ALOXE3: variants seen among roughly 807,000 people sequenced by gnomAD.
ALOXE3 encodes the protein arachidonate epidermal lipoxygenase 3, also known as hydroperoxide isomerase ALOXE3.
A neutral mutation model predicts 87.5 loss-of-function variants in ALOXE3; 78 were observed. The observed-to-expected ratio is 0.89, with a 90% confidence interval of 0.74 to 1.08. ALOXE3 has a LOEUF of 1.08. ALOXE3 is among the 50% of genes least tolerant of loss of function. The pLI is 0.00. For missense variants in ALOXE3, 946 were observed against 912.4 expected (o/e 1.04, Z -0.47); for synonymous variants, 363 against 370.8 (o/e 0.98, Z 0.24).
At chr17:8,109,784 G>T in intron 11 of ALOXE3, 132 bp downstream of exon 11, 1 of 909,282 alleles carries the variant, frequency 1.1e-6, no homozygotes, top group Non-Finnish European at 1.7e-6. Flanking sequence ...GGAAGAGGCA[G>T]TGATTGTACA....
chr17:8,116,873 G>A lies in ALOXE3; in HGVS notation c.255C>T (p.Ser85=). Residue 85 remains serine (S), a synonymous_variant, in exon 3 of 16, where the codon AGC becomes AGT. Transcript: ENST00000448843. ...AFFRKDSWYC[S]RICVTEPDGS... is the part of the protein sequence containing the mutation. ...CATCCGGTTCGGTGACACAGATGCG[G>A]CTACAGTACCAAGAGTCCTTGCGGA... 4 of 1,614,252 alleles carry A rather than the reference G, an allele frequency of 2.5e-6. No homozygotes were observed. Among genetic ancestry groups the A allele is most frequent in the Non-Finnish European group, 3.4e-6 (4 of 1,180,048 alleles).
At chr17:8,110,323 G>T in intron 9 of ALOXE3, 28 bp from the exon 10 acceptor site, 1 of 1,612,052 alleles carries the variant, frequency 6.2e-7, no homozygotes, top group African/African-American at 1.3e-5. Flanking sequence ...GAGGGATGAT[G>T]GGGCTCCGGG....
intron 15 of ALOXE3, among the ~76,000 whole-genome samples, chr17:8,097,243 C>T (rs1978601043): frequency 6.6e-6 from 1 of 152,106 alleles, no homozygotes; most frequent in African/African-American, 2.4e-5. Context: ...GATCCTCCCA[C>T]CTTGGCCTCC....
chr17:8,110,925 A>G (rs1980019735), intron 8 of ALOXE3, among the ~76,000 whole-genome samples: 2 of 152,176 alleles, frequency 1.3e-5, no homozygotes, highest in African/African-American at 4.8e-5. Flanking sequence ...TGAGGGCTTG[A>G]CTGCCCCAAA....
rs1247080874 is a variant in ALOXE3, at chr17:8,116,849, A to C, written c.279T>G (p.Asp93Glu). 1.2e-6 allele frequency: 2 copies of C among 1,614,132 alleles called. No homozygotes were observed. The highest frequency in any genetic ancestry group is 2.7e-5 in the African/African-American group (2 of 74,954). Residue 93 changes from aspartate to glutamate, a missense_variant, in exon 3 of 16, where the codon GAT (aspartate) becomes GAG (glutamate). By Grantham distance (45) the Asp-to-Glu change is conservative (BLOSUM62 2). Transcript: ENST00000448843. ...YCSRICVTEP[D>E]GSVSHFPCYQ... is the part of the protein sequence containing the mutation. ...AGCAGGGGAAGTGGGATACACTACCATCCGGTTCGGTGACACAGATGCGGC... is the reference window on the plus strand; with the variant it reads ...AGCAGGGGAAGTGGGATACACTACCCTCCGGTTCGGTGACACAGATGCGGC...
Position 8,112,115 on chromosome 17 carries a change from C to T in ALOXE3, c.762G>A (p.Trp254Ter), listed in dbSNP as rs745600301. Reference protein sequence around the residue: ...KKLDDMQNIFWCHKTFTTKYV... With the variant: ...KKLDDMQNIF ...CACTTGTCGTGAAGGTCTTATGGCACCAGAAGATGTTCTGCATGTCATCCA... is the reference window on the plus strand; with the variant it reads ...CACTTGTCGTGAAGGTCTTATGGCATCAGAAGATGTTCTGCATGTCATCCA... The change falls in exon 7 of 16, where the codon TGG becomes TGA. Residue 254 changes from tryptophan (W) to a stop codon, truncating the protein, a stop_gained. Transcript: ENST00000448843. LOFTEE classifies it high-confidence loss of function. The T allele has an allele frequency of 1.2e-6, 2 of 1,614,104 alleles. No homozygotes were observed. Among genetic ancestry groups the T allele is most frequent in the Non-Finnish European group, 1.7e-6 (2 of 1,179,990 alleles).
At chr17:8,101,192 A>G (rs1016865356) in intron 15 of ALOXE3, among the ~76,000 whole-genome samples, 2 of 151,706 alleles carry the variant, frequency 1.3e-5, no homozygotes, top group African/African-American at 2.4e-5. Flanking sequence ...ATGCCCACCT[A>G]ATTTTTGTAT....
In ALOXE3 at chr17:8,112,181, C is replaced by T. The variant is rs767965630; in HGVS notation, c.696G>A (p.Lys232=). 3 of 1,614,126 alleles carry T rather than the reference C, an allele frequency of 1.9e-6. No homozygotes were observed. Among genetic ancestry groups the T allele is most frequent in the Non-Finnish European group, 2.5e-6 (3 of 1,179,974 alleles). Residue 232 remains lysine (K), a synonymous_variant, in exon 7 of 16, where the codon AAG becomes AAA. Coordinates refer to ENST00000448843, the MANE Select transcript of ALOXE3 (RefSeq NM_021628.3). ...CCTTGCGATCCAACAGCCCTCGAAG[C>T]TTCATTCCCAAGGACCTGATGGGAG... ...FNAIPASLGM[K]LRGLLDRKGS...
intron 15 of ALOXE3, among the ~76,000 whole-genome samples, chr17:8,103,080 T>C (rs1472169083): frequency 1.3e-5 from 2 of 152,180 alleles, no homozygotes; most frequent in Non-Finnish European, 2.9e-5. Flanking sequence ...CATTAACACA[T>C]GAGTAGTTGA....
intron 13 of ALOXE3, among the ~76,000 whole-genome samples, chr17:8,107,955 A>AG (rs1979575232): frequency 5.0e-4 from 2 of 3,992 alleles, no homozygotes; most frequent in South Asian, 4.4e-3. Context: ...GAAAGAAAGA[A>AG]AGAAAGGAAG....
intron 11 of ALOXE3, 144 bp from the exon 12 acceptor site, chr17:8,109,487 T>G (rs1341735178): frequency 1.8e-6 from 2 of 1,122,426 alleles, no homozygotes; most frequent in African/African-American, 1.5e-5. Context: ...CACGAGGGCC[T>G]GCCTGACGCA....
intron 7 of ALOXE3, 44 bp from the exon 8 acceptor site, chr17:8,111,575 C>T: frequency 6.3e-7 from 1 of 1,599,466 alleles, no homozygotes; most frequent in Non-Finnish European, 8.6e-7. Context: ...AAACTACTTC[C>T]CTAGATCCTA....
rs1380936854 is a variant in ALOXE3, at chr17:8,110,536, A to C, written c.958-8T>G. The C allele has an allele frequency of 6.2e-7, 1 of 1,613,694 alleles. No individual in the cohort carries two copies. The highest frequency in any genetic ancestry group is 1.7e-5 in the Admixed American group (1 of 60,002). ...TAGGAAGATGTTCCCCCTCTGCAGA[A>C]GGCACACAGAGGCTGAGTGTCCCTC... On this transcript the variant is annotated splice_polypyrimidine_tract_variant and splice_region_variant and intron_variant, in intron 8 of 15. Coordinates refer to ENST00000448843, the MANE Select transcript of ALOXE3 (RefSeq NM_021628.3).
intron 15 of ALOXE3, among the ~76,000 whole-genome samples, chr17:8,100,868 C>T (rs748954418): frequency 6.6e-6 from 1 of 152,190 alleles, no homozygotes; most frequent in Non-Finnish European, 1.5e-5. Flanking sequence ...GAAAACACAG[C>T]AGAAGACAGA....
rs138290721 is a variant in ALOXE3 at position 8,109,321 on chromosome 17, C to G, written c.1415G>C (p.Gly472Ala). 23 of 1,613,880 alleles carry G rather than the reference C, an allele frequency of 1.4e-5. No homozygotes were observed. Among genetic ancestry groups the G allele is most frequent in the Non-Finnish European group, 1.9e-5 (23 of 1,180,042 alleles). Residue 472 changes from glycine (G) to alanine (A), a missense_variant, in exon 12 of 16, where the codon GGC (glycine) becomes GCC (alanine). Gly to Ala is a moderately conservative substitution (Grantham distance 60). Coordinates refer to ENST00000448843, the MANE Select transcript of ALOXE3 (RefSeq NM_021628.3). The stretch of plus-strand genomic sequence containing the variant: ...GCCCGTGCTCATGAGGTAGATGAGG[C>G]CTTGCCTCCCGATGGACGTGACCTG... The part of the protein sequence containing the change: ...VDQVTSIGRQ[G>A]LIYLMSTGLA...
rs1979819992 is a variant in ALOXE3 at position 8,109,460 on chromosome 17, T to TC, written c.1393-118dup. 1.3e-5 allele frequency: 18 copies of TC among 1,404,086 alleles called. No homozygotes were observed. The South Asian group carries it at 2.1e-4, about 16-fold the overall frequency. 87.0% of individuals were successfully genotyped at this position (1,404,086 alleles called of 1,614,324 possible). On this transcript the variant is annotated intron_variant, in intron 11 of 15. Transcript: ENST00000448843. The stretch of plus-strand genomic sequence containing the variant: ...GGGCCTTCTTCGGTTCACCAAGCAA[T>TC]CCACGGATCAAATACCCACGAGGGC...
chr17:8,112,267 C>G (rs753445810), intron 6 of ALOXE3, 71 bp from the exon 7 acceptor site: 24 of 1,162,746 alleles, frequency 2.1e-5, no homozygotes, highest in Non-Finnish European at 2.7e-5. Flanking sequence ...GTGTGCCCCT[C>G]TGCCTGGAGG....
Position 8,104,215 on chromosome 17 carries a change from C to G in ALOXE3, c.1685G>C (p.Gly562Ala). 3 of 1,613,164 alleles carry G rather than the reference C, an allele frequency of 1.9e-6. No homozygotes were observed. The highest frequency in any genetic ancestry group is 2.5e-6 in the Non-Finnish European group (3 of 1,179,410). ...AQAFLGRESS[G>A]FPSRLCTPGE... The stretch of plus-strand genomic sequence containing the variant: ...TGGGGTGCACAGCCGGCTTGGGAAA[C>G]CTGGGTGTGGGGAGGAAGGGTAGAG... Residue 562 changes from glycine to alanine, a missense_variant and splice_region_variant, in exon 14 of 16, where the codon GGT becomes GCT. Transcript: ENST00000448843.
intron 13 of ALOXE3, 23 bp downstream of exon 13, chr17:8,108,445 A>C (rs369702016): frequency 8.3e-5 from 133 of 1,610,952 alleles, no homozygotes; most frequent in Non-Finnish European, 1.1e-4. Flanking sequence ...AGCTACACGG[A>C]AAGTGGGATA....
Sources: gnomAD v4.1 joint callset for allele counts (sites outside exome capture counted in the v4.1 genomes callset) on GRCh38, gnomAD v4.1.1 for gene constraint, MANE v1.5 for transcripts, NCBI Gene and HGNC (gene_info 2026-07-23, HGNC 2026-07-21) for gene names.